DNM3: variants seen among roughly 807,000 people sequenced by gnomAD.
DNM3 encodes dynamin 3, also known as dynamin-3.
Under a neutral mutation model 101.6 loss-of-function variants are expected in DNM3, and 47 were observed. That is an observed-to-expected ratio of 0.46 (90% CI 0.37 to 0.59). The LOEUF is 0.59. Among genes scored for constraint, DNM3 ranks in the 20% least tolerant of loss-of-function variants. The pLI, the probability that DNM3 is intolerant of heterozygous loss-of-function variation, is 0.00. For missense variants in DNM3, 849 were observed against 1,085.7 expected (o/e 0.78, Z 3.06); for synonymous variants, 385 against 387.9 (o/e 0.99, Z 0.09).
At chr1:172,153,722 T>C (rs1436607432) in intron 14 of DNM3, among the ~76,000 whole-genome samples, 1 of 152,158 alleles carries the variant, frequency 6.6e-6, no homozygotes, top group Non-Finnish European at 1.5e-5. Flanking sequence ...TTTCTTCTCC[T>C]TAAATTTTCA....
intron 15 of DNM3, among the ~76,000 whole-genome samples, chr1:172,306,603 G>A (rs1445629015): frequency 6.6e-6 from 1 of 152,156 alleles, no homozygotes; most frequent in Admixed American, 6.5e-5. Context: ...CAAAGCTGGA[G>A]GCATCACACT....
chr1:172,205,423 T>C (rs2060290275), intron 14 of DNM3, among the ~76,000 whole-genome samples: 1 of 152,092 alleles, frequency 6.6e-6, no homozygotes, highest in Non-Finnish European at 1.5e-5. Context: ...AGGAGCTTTG[T>C]TTAAGTGGAC....
At chr1:171,899,456 G>C (rs144220171) in intron 1 of DNM3, among the ~76,000 whole-genome samples, 1 of 152,274 alleles carries the variant, frequency 6.6e-6, no homozygotes, top group African/African-American at 2.4e-5. Flanking sequence ...TAGTAAAATA[G>C]GAAAGTAAGT....
chr1:172,048,728 C>T lies in DNM3; in HGVS notation c.1313C>T (p.Thr438Ile). ...CTGGTAATACAAGAATTAATCAACA[C>T]TGTGAAGAAGTGTACCAAAAAAGTA... ...VDLVIQELIN[T>I]VKKCTKKLAN... Residue 438 changes from threonine to isoleucine, a missense_variant, in exon 10 of 21, where the codon ACT becomes ATT. Physicochemically the swap from Thr to Ile is moderately conservative, Grantham distance 89 (BLOSUM62 -1). This residue lies in a region of DNM3 where 193 missense variants were observed against 238.4 expected (regional missense o/e 0.81). Transcript: ENST00000627582. The T allele has an allele frequency of 6.2e-7, 1 of 1,610,194 alleles. No homozygotes were observed. Among genetic ancestry groups the T allele is most frequent in the Non-Finnish European group, 8.5e-7 (1 of 1,178,230 alleles).
rs747125866 is a variant in DNM3 at position 172,081,949 on chromosome 1, T to C, written c.1493+47T>C. On this transcript the variant is annotated intron_variant, in intron 12 of 20. Coordinates refer to ENST00000627582, the MANE Select transcript of DNM3 (RefSeq NM_015569.5). ...CACATGCATTCCTCCTGTTGATTTG[T>C]CTCAAACACACATTGTGAATTTTTA... 2.6e-6 allele frequency: 4 copies of C among 1,567,000 alleles called. No homozygotes were observed. The South Asian group carries it at 4.5e-5, about 18-fold the overall frequency.
intron 4 of DNM3, among the ~76,000 whole-genome samples, chr1:172,007,001 T>A (rs914055524): frequency 2.0e-5 from 3 of 152,160 alleles, no homozygotes; most frequent in Non-Finnish European, 4.4e-5. Flanking sequence ...TTCATTTTTT[T>A]AAATAGGTGA....
chr1:172,153,873 C>A (rs928870160), intron 14 of DNM3, among the ~76,000 whole-genome samples: 12 of 152,008 alleles, frequency 7.9e-5, no homozygotes, highest in African/African-American at 2.9e-4. Context: ...TAAGTGTCTT[C>A]AGAAGGGTGG....
intron 16 of DNM3, among the ~76,000 whole-genome samples, chr1:172,316,909 T>C (rs2065395124): frequency 6.6e-6 from 1 of 151,952 alleles, no homozygotes. Context: ...TCTACAGAAC[T>C]CTCCACCCCA....
At chr1:172,223,815 G>A (rs534241) in intron 14 of DNM3, among the ~76,000 whole-genome samples, 3,019 of 152,206 alleles carry the variant, frequency 0.02, 100 homozygotes, top group African/African-American at 0.069. Flanking sequence ...TGGCCATTCT[G>A]TAAGTCTTCT....
At chr1:172,206,792 G>C (rs682215) in intron 14 of DNM3, among the ~76,000 whole-genome samples, 35,920 of 152,012 alleles carry the variant, frequency 0.24, 7,120 homozygotes, top group African/African-American at 0.54. Context: ...GAGAACTGCT[G>C]ACCTGAAGTA....
At chr1:172,257,156 T>G (rs2062437376) in intron 15 of DNM3, among the ~76,000 whole-genome samples, 4 of 152,136 alleles carry the variant, frequency 2.6e-5, no homozygotes, top group Admixed American at 2.0e-4. Flanking sequence ...AGTCATTATC[T>G]TTTCTTCATC....
intron 14 of DNM3, among the ~76,000 whole-genome samples, chr1:172,204,175 C>G (rs1008076195): frequency 1.3e-5 from 2 of 151,934 alleles, no homozygotes; most frequent in African/African-American, 2.4e-5. Context: ...AATATAATGG[C>G]CTTTGTGAAT....
chr1:171,943,694 T>A (rs1438122950), intron 2 of DNM3, among the ~76,000 whole-genome samples: 1 of 152,224 alleles, frequency 6.6e-6, no homozygotes, highest in Admixed American at 6.5e-5. Flanking sequence ...TATTAACTGA[T>A]GTCTTATGTC....
At chr1:172,157,067 T>G (rs1408300823) in intron 14 of DNM3, among the ~76,000 whole-genome samples, 1 of 152,110 alleles carries the variant, frequency 6.6e-6, no homozygotes, top group African/African-American at 2.4e-5. Flanking sequence ...TTAAATTTAT[T>G]GTGCACTTTA....
At chr1:172,377,938 T>C (rs534557018) in intron 17 of DNM3, among the ~76,000 whole-genome samples, 1 of 152,158 alleles carries the variant, frequency 6.6e-6, no homozygotes, top group Admixed American at 6.6e-5. Context: ...AGGCTTATCA[T>C]TTAATATCCA....
At chr1:172,307,192 A>G (rs1041553473) in intron 15 of DNM3, among the ~76,000 whole-genome samples, 1 of 152,202 alleles carries the variant, frequency 6.6e-6, no homozygotes, top group Non-Finnish European at 1.5e-5. Flanking sequence ...GAAAAAATAA[A>G]CAAACAACCC....
intron 10 of DNM3, among the ~76,000 whole-genome samples, chr1:172,058,231 C>A (rs2050816348): frequency 6.6e-6 from 1 of 151,816 alleles, no homozygotes; most frequent in Non-Finnish European, 1.5e-5. Context: ...CTTAGACTCC[C>A]ACACGTTAAT....
intron 20 of DNM3, among the ~76,000 whole-genome samples, chr1:172,404,146 A>C (rs1317823514): frequency 6.6e-6 from 1 of 152,152 alleles, no homozygotes; most frequent in African/African-American, 2.4e-5. Flanking sequence ...TTAATGACTA[A>C]GTACATATTT....
At chr1:172,393,318 CAATTAATAT>C (rs1388731467) in intron 20 of DNM3, 3 of 152,142 alleles carry the variant, frequency 2.0e-5, no homozygotes. Flanking sequence ...TTATAACTGA[CAATTAATAT>C]AAAGTCCCTT....
Sources: allele counts gnomAD v4.1 joint callset (sites outside exome capture counted in the v4.1 genomes callset), GRCh38; gene constraint gnomAD v4.1.1; regional missense constraint gnomAD v4.1.1; transcripts MANE v1.5; gene names NCBI Gene and HGNC (gene_info 2026-07-23, HGNC 2026-07-21).